IFT172: variants seen among roughly 807,000 people sequenced by gnomAD.
IFT172 encodes the protein intraflagellar transport 172, also known as intraflagellar transport protein 172 homolog.
Under a neutral mutation model 248.9 loss-of-function variants are expected in IFT172, and 164 were observed. That is an observed-to-expected ratio of 0.66 (90% CI 0.58 to 0.75). The LOEUF is 0.75. IFT172 is among the 30% of genes least tolerant of loss of function. IFT172 has a pLI of 0.00. For synonymous variants in IFT172, 729 were observed against 791.6 expected (o/e 0.92, Z 1.33); for missense variants, 1,950 against 2,192.4 (o/e 0.89, Z 2.21).
At chr2:27,466,356 GA>G (rs1667085648) in intron 16 of IFT172, among the ~76,000 whole-genome samples, 1 of 152,154 alleles carries the variant, frequency 6.6e-6, no homozygotes, top group Admixed American at 6.5e-5. Flanking sequence ...GAGCAAATGG[GA>G]AAAGTACAGT....
intron 47 of IFT172, 60 bp from the exon 48 acceptor site, chr2:27,444,581 T>C (rs1664861397): frequency 7.5e-7 from 1 of 1,334,508 alleles, no homozygotes; most frequent in Non-Finnish European, 1.1e-6. Context: ...CAAAATCAGC[T>C]CCATCGCAGG....
At position 27,483,570 on chromosome 2, in the gene IFT172, C is replaced by G; in HGVS notation, c.482+10G>C. 6.2e-7 allele frequency: 1 copy of G among 1,613,390 alleles called. No homozygotes were observed. The highest frequency in any genetic ancestry group is 8.5e-7 in the Non-Finnish European group (1 of 1,179,408). On this transcript the variant is annotated intron_variant, in intron 6 of 47. Transcript: ENST00000260570. ...TCCAGACTCTAGTGATACTACTCCT[C>G]TTTACTCACTTTGTTGTCAGGGACA...
rs142566676 is a variant in IFT172, at chr2:27,476,921, C to G, written c.1326-195G>C. ...CACTACAGCTTTGACTTCCCAGGCT[C>G]CGGGTGATTCTCCTACCTCACCTTC... On this transcript the variant is annotated intron_variant, in intron 13 of 47. Coordinates refer to ENST00000260570, the MANE Select transcript of IFT172 (RefSeq NM_015662.3). 132 of 591,666 alleles carry G rather than the reference C, an allele frequency of 2.2e-4. 1 individual carries two copies. In the East Asian group the frequency reaches 3.7e-3, roughly 17 times the overall value. The allele number at this position is 591,666 out of a possible 1,614,324, so 36.7% of individuals were successfully genotyped here.
Position 27,459,788 on chromosome 2 carries a change from T to G in IFT172, c.2563A>C (p.Lys855Gln). 6.2e-7 allele frequency: 1 copy of G among 1,612,842 alleles called. No individual in the cohort carries two copies. The highest frequency in any genetic ancestry group is 1.3e-5 in the African/African-American group (1 of 75,026). ...ARLAFPVEVV[K>Q]LEEAWGDHLV... ...TGGTCCCCCCATGCCTCCTCTAGTTTCACCACCTCCACTGGGAAGGCCAAT... is the reference window on the plus strand; with the variant it reads ...TGGTCCCCCCATGCCTCCTCTAGTTGCACCACCTCCACTGGGAAGGCCAAT... Residue 855 changes from lysine to glutamine, a missense_variant, in exon 24 of 48, where the codon AAA (lysine) becomes CAA (glutamine). Coordinates refer to ENST00000260570, the MANE Select transcript of IFT172 (RefSeq NM_015662.3).
In IFT172 at chr2:27,483,643, G is replaced by A. The variant is rs1328218116; in HGVS notation, c.419C>T (p.Thr140Ile). The change falls in exon 6 of 48, where the codon ACC becomes ATC. Residue 140 changes from threonine (T) to isoleucine (I), a missense_variant. By Grantham distance (89) the Thr-to-Ile change is moderately conservative. Transcript: ENST00000260570. ...GATGGTAGATGATTTATTAGTTTTG[G>A]TGTTTGCTAAACGAACCTGAAAATG... ...LAEGKVRLAN[T>I]KTNKSSTIYG... 3.7e-6 allele frequency: 6 copies of A among 1,614,022 alleles called. No individual in the cohort carries two copies. Among genetic ancestry groups the A allele is most frequent in the Non-Finnish European group, 5.1e-6 (6 of 1,179,988 alleles).
chr2:27,487,966 TACAC>T (rs908615738), intron 1 of IFT172, among the ~76,000 whole-genome samples: 1 of 150,894 alleles, frequency 6.6e-6, no homozygotes, highest in Non-Finnish European at 1.5e-5. Context: ...CAGTACATAT[TACAC>T]ACTCAGTTAT....
chr2:27,457,840 C>A lies in IFT172; in HGVS notation c.3111+1G>T, dbSNP rs759612790. On this transcript the variant is annotated splice_donor_variant, in intron 28 of 47. Coordinates refer to ENST00000260570, the MANE Select transcript of IFT172 (RefSeq NM_015662.3). LOFTEE classifies it high-confidence loss of function. The stretch of plus-strand genomic sequence containing the variant: ...TAGGGAGAGCCAGGAGAAGGGCTCA[C>A]CTTGCCCAGATGTAGGTGTGTATCA... 1.9e-6 allele frequency: 3 copies of A among 1,614,042 alleles called. No homozygotes were observed. In the African/African-American group the frequency reaches 4.0e-5, roughly 22 times the overall value.
At chr2:27,450,863 A>ATTAC (rs1464985273) in intron 35 of IFT172, among the ~76,000 whole-genome samples, 1 of 151,942 alleles carries the variant, frequency 6.6e-6, no homozygotes, top group Non-Finnish European at 1.5e-5. Context: ...AAGTTCTGGG[A>ATTAC]TTACAGGCAT....
rs1666623311 is a variant in IFT172 at position 27,461,089 on chromosome 2, C to T, written c.2447G>A (p.Gly816Asp). 6.2e-7 allele frequency: 1 copy of T among 1,614,136 alleles called. No homozygotes were observed. Among genetic ancestry groups the T allele is most frequent in the Non-Finnish European group, 8.5e-7 (1 of 1,180,016 alleles). ...LIKGELYERA[G>D]DLFEKIHNPQ... The stretch of plus-strand genomic sequence containing the variant: ...ATTGTGAATCTTCTCAAAGAGATCA[C>T]CTGCCTGTTAACACATACCACATTA... Residue 816 changes from glycine to aspartate, a missense_variant, in exon 23 of 48, where the codon GGT (glycine) becomes GAT (aspartate). By Grantham distance (94) the Gly-to-Asp change is moderately conservative (BLOSUM62 -1). Transcript: ENST00000260570.
intron 20 of IFT172, 124 bp from the exon 21 acceptor site, chr2:27,461,960 C>T (rs954946935): frequency 6.7e-6 from 6 of 895,284 alleles, no homozygotes; most frequent in Non-Finnish European, 8.8e-6. Context: ...AACTACTATA[C>T]CAACAGAAAT....
In IFT172 at chr2:27,454,791, G is replaced by C; in HGVS notation, c.3372-131C>G. ...GATTTAAGGATAACAAATATGAAGTGACAGAAAAGCGTGGAGAGATAAAAA... is the reference window on the plus strand; with the variant it reads ...GATTTAAGGATAACAAATATGAAGTCACAGAAAAGCGTGGAGAGATAAAAA... On this transcript the variant is annotated intron_variant, in intron 30 of 47. Coordinates refer to ENST00000260570, the MANE Select transcript of IFT172 (RefSeq NM_015662.3). This position sits in a 1 kb window ranked among gnomAD's most constrained non-coding sequence, Gnocchi z 4.2. 3 of 770,156 alleles carry C rather than the reference G, an allele frequency of 3.9e-6. No homozygotes were observed. Among genetic ancestry groups the C allele is most frequent in the Non-Finnish European group, 6.5e-6 (3 of 464,678 alleles). The allele number at this position is 770,156 out of a possible 1,614,324, so 47.7% of individuals were successfully genotyped here.
rs1341037788 is a variant in IFT172, at chr2:27,484,017, C to T, written c.337-80G>A. On this transcript the variant is annotated intron_variant, in intron 4 of 47. Coordinates refer to ENST00000260570, the MANE Select transcript of IFT172 (RefSeq NM_015662.3). Reference sequence around the variant, plus strand: ...TTATAACAACTTCAACACCCCACCACACACCACCACCTCAATCTCCTATAG... The same window carrying T: ...TTATAACAACTTCAACACCCCACCATACACCACCACCTCAATCTCCTATAG... 4.5e-6 allele frequency: 6 copies of T among 1,330,234 alleles called. No individual in the cohort carries two copies. In the African/African-American group the frequency reaches 7.2e-5, roughly 16 times the overall value. 82.4% of individuals were successfully genotyped at this position (1,330,234 alleles called of 1,614,324 possible).
intron 47 of IFT172, among the ~76,000 whole-genome samples, chr2:27,444,796 C>T (rs556885484): frequency 6.6e-6 from 1 of 152,062 alleles, no homozygotes; most frequent in African/African-American, 2.4e-5. Context: ...TACAGGTGCA[C>T]GCCACCAGAC....
chr2:27,480,919 G>T, intron 8 of IFT172, 127 bp downstream of exon 8: 1 of 697,258 alleles, frequency 1.4e-6, no homozygotes, highest in Non-Finnish European at 2.5e-6. Context: ...GAAGAGGAAA[G>T]CGCATGAATT....
chr2:27,460,991 G>C (rs1284684443), intron 23 of IFT172, 24 bp downstream of exon 23: 1 of 1,614,050 alleles, frequency 6.2e-7, no homozygotes, highest in East Asian at 2.2e-5. Flanking sequence ...CAACAGTAAA[G>C]GATGGCTTAT....
chr2:27,478,176 G>A lies in IFT172; in HGVS notation c.1006-20C>T. 1 of 1,613,784 alleles carries A rather than the reference G, an allele frequency of 6.2e-7. No homozygotes were observed. Among genetic ancestry groups the A allele is most frequent in the Non-Finnish European group, 8.5e-7 (1 of 1,179,802 alleles). Reference sequence around the variant, plus strand: ...AATCACCTTGGTAAAGGACAAGTGTGAGCCCCTTAGGCTTCCCCAGCCCAA... The same window carrying A: ...AATCACCTTGGTAAAGGACAAGTGTAAGCCCCTTAGGCTTCCCCAGCCCAA... On this transcript the variant is annotated intron_variant, in intron 10 of 47. Coordinates refer to ENST00000260570, the MANE Select transcript of IFT172 (RefSeq NM_015662.3).
At chr2:27,458,054 C>T in intron 27 of IFT172, 72 bp downstream of exon 27, 1 of 1,612,472 alleles carries the variant, frequency 6.2e-7, no homozygotes, top group African/African-American at 1.3e-5. Context: ...GGTACACATC[C>T]TCAGACCCCA....
In IFT172 at chr2:27,446,349, CG is replaced by C. The variant is rs1558351209; in HGVS notation, c.4665del (p.Val1556TrpfsTer18). ...AGTGAAACAGAAAGCCTGGCAGCCA[CG>C]GTTTCCTGGGATTAAAGTCAAAGCA... ...SAAQSVKQLE[T>X]VAARLSVSLL... is the part of the protein sequence containing the mutation. On this transcript the variant is annotated frameshift_variant, in exon 43 of 48. Transcript: ENST00000260570. LOFTEE classifies it high-confidence loss of function. 1 of 1,614,164 alleles carries C rather than the reference CG, an allele frequency of 6.2e-7. No homozygotes were observed. Among genetic ancestry groups the C allele is most frequent in the Non-Finnish European group, 8.5e-7 (1 of 1,180,014 alleles).
At position 27,471,074 on chromosome 2, in the gene IFT172, T is replaced by A. The variant is rs1667530352; in HGVS notation, c.1546A>T (p.Ser516Cys). 1 of 1,610,590 alleles carries A rather than the reference T, an allele frequency of 6.2e-7. No individual in the cohort carries two copies. Among genetic ancestry groups the A allele is most frequent in the Non-Finnish European group, 8.5e-7 (1 of 1,179,210 alleles). Residue 516 changes from serine (S) to cysteine (C), a missense_variant, in exon 16 of 48, where the codon AGC (serine) becomes TGC (cysteine). Transcript: ENST00000260570. ...KLRLHLYDIE[S>C]CSKTMILNFC... ...TTGAGGATCATTGTCTTAGAGCAGC[T>A]TTCAATATCATACAGATGCAACTGA...
Sources: gnomAD v4.1 joint callset for allele counts (sites outside exome capture counted in the v4.1 genomes callset) on GRCh38, gnomAD v4.1.1 for gene constraint, Gnocchi (gnomAD v3.1) non-coding constraint, MANE v1.5 for transcripts, NCBI Gene and HGNC (gene_info 2026-07-23, HGNC 2026-07-21) for gene names.